CTNNA2: variants seen among roughly 807,000 people sequenced by gnomAD.
CTNNA2 encodes catenin alpha 2, also known as catenin alpha-2.
CTNNA2 carries 42 observed loss-of-function variants against 101.0 expected under a neutral mutation model. That is an observed-to-expected ratio of 0.42 (90% confidence interval 0.32 to 0.54). The LOEUF (loss-of-function observed/expected upper bound fraction) is 0.54. CTNNA2 is among the 20% of genes least tolerant of loss of function. The pLI is 0.14. For synonymous variants in CTNNA2, 450 were observed against 456.4 expected (o/e 0.99, Z 0.18); for missense variants, 871 against 1,223.1 (o/e 0.71, Z 4.29).
intron 7 of CTNNA2, among the ~76,000 whole-genome samples, chr2:79,950,311 G>A (rs575711340): frequency 6.6e-6 from 1 of 152,304 alleles, no homozygotes; most frequent in Admixed American, 6.5e-5. Flanking sequence ...GAATTCAATA[G>A]TGTGGTAAAT....
chr2:79,578,270 A>G (rs991159442), intron 1 of CTNNA2, among the ~76,000 whole-genome samples: 3 of 152,032 alleles, frequency 2.0e-5, no homozygotes, highest in Middle Eastern at 6.3e-3. Context: ...ATTTCATTAT[A>G]TTTTCAAGAT....
chr2:79,215,749 A>G (rs912646781), intron 2 of CTNNA2, among the ~76,000 whole-genome samples: 2 of 152,122 alleles, frequency 1.3e-5, no homozygotes, highest in Non-Finnish European at 2.9e-5. Flanking sequence ...TTTTAAGAGG[A>G]AATTGCTGGG....
At chr2:80,214,218 G>A (rs1194335805) in intron 7 of CTNNA2, among the ~76,000 whole-genome samples, 4 of 152,062 alleles carry the variant, frequency 2.6e-5, no homozygotes, top group Non-Finnish European at 2.9e-5. Flanking sequence ...TTACATTTAA[G>A]GTTAATATTG....
chr2:80,271,906 T>C (rs929664519), intron 7 of CTNNA2, among the ~76,000 whole-genome samples: 5 of 152,214 alleles, frequency 3.3e-5, no homozygotes, highest in African/African-American at 9.6e-5. Context: ...CATCTGGCCA[T>C]TGTTTCATAT....
chr2:79,719,038 C>T (rs142041627), intron 2 of CTNNA2, among the ~76,000 whole-genome samples: 6 of 152,198 alleles, frequency 3.9e-5, no homozygotes, highest in East Asian at 3.9e-4. Flanking sequence ...TCCTTCCTCC[C>T]GCCCTTCCTC....
intron 7 of CTNNA2, among the ~76,000 whole-genome samples, chr2:80,260,380 T>C (rs2149121765): frequency 6.6e-6 from 1 of 152,344 alleles, no homozygotes; most frequent in African/African-American, 2.4e-5. Context: ...AGGACATTAA[T>C]ATCCAAAAAT....
At chr2:79,558,013 CAT>C (rs1337107045) in intron 1 of CTNNA2, among the ~76,000 whole-genome samples, 1 of 151,926 alleles carries the variant, frequency 6.6e-6, no homozygotes, top group East Asian at 1.9e-4. Context: ...CGTTTACACA[CAT>C]AGAGATTTAT....
intron 9 of CTNNA2, among the ~76,000 whole-genome samples, chr2:80,539,359 T>A (rs1160672220): frequency 6.7e-6 from 1 of 149,398 alleles, no homozygotes; most frequent in Admixed American, 6.7e-5. Context: ...GTTCTGCTAA[T>A]GATATTGTTA....
chr2:79,873,664 A>G (rs1427930802), intron 5 of CTNNA2, among the ~76,000 whole-genome samples: 1 of 152,048 alleles, frequency 6.6e-6, no homozygotes, highest in African/African-American at 2.4e-5. Context: ...TTTGGGAAGC[A>G]GAGGTGGGAG....
At chr2:79,617,206 T>A (rs1678688227) in intron 1 of CTNNA2, among the ~76,000 whole-genome samples, 1 of 152,096 alleles carries the variant, frequency 6.6e-6, no homozygotes, top group Admixed American at 6.6e-5. Context: ...TCAGCCCTAA[T>A]ATTTTCTTTT....
chr2:79,378,802 G>A (rs1678008050), intron 4 of CTNNA2, among the ~76,000 whole-genome samples: 1 of 152,028 alleles, frequency 6.6e-6, no homozygotes, highest in Admixed American at 6.6e-5. Flanking sequence ...TTCTCTATCA[G>A]GACCCTTTTT....
At chr2:80,426,343 A>G (rs560240178) in intron 9 of CTNNA2, among the ~76,000 whole-genome samples, 2 of 152,318 alleles carry the variant, frequency 1.3e-5, no homozygotes, top group Admixed American at 1.3e-4. Flanking sequence ...GCTAATCTTG[A>G]AAATGAGATG....
chr2:80,138,036 G>T (rs1167422591), intron 7 of CTNNA2, among the ~76,000 whole-genome samples: 1 of 152,086 alleles, frequency 6.6e-6, no homozygotes, highest in Non-Finnish European at 1.5e-5. Flanking sequence ...ATTAGGTGTG[G>T]AAAATAAAGA....
intron 3 of CTNNA2, among the ~76,000 whole-genome samples, chr2:79,843,269 G>A (rs111492521): frequency 2.0e-5 from 3 of 152,216 alleles, no homozygotes; most frequent in African/African-American, 7.2e-5. Context: ...ACTTGGAATT[G>A]TGTGTGGATA....
chr2:80,351,750 C>T (rs944561557), intron 7 of CTNNA2, among the ~76,000 whole-genome samples: 3 of 152,022 alleles, frequency 2.0e-5, no homozygotes, highest in Non-Finnish European at 4.4e-5. Context: ...TCAAAACAGG[C>T]GTGATGCTCT....
rs537551143 is a variant in CTNNA2, at chr2:80,560,226, T to A, written c.1741+4333T>A. On this transcript the variant is annotated intron_variant, in intron 12 of 18. Coordinates refer to ENST00000402739, the MANE Select transcript of CTNNA2 (RefSeq NM_001282597.3). ...CTAAAGTTTTATACGAATGGGAAGG[T>A]TTTTCGTTTTACAACATTTCTATAT... Among the ~76,000 whole-genome samples the A allele has an allele frequency of 5.3e-5, 8 of 152,138 alleles. No homozygotes were observed. In the East Asian group the frequency reaches 5.8e-4, roughly 11 times the overall value.
chr2:79,560,578 T>C (rs1674715320), intron 1 of CTNNA2, among the ~76,000 whole-genome samples: 1 of 151,928 alleles, frequency 6.6e-6, no homozygotes, highest in Admixed American at 6.6e-5. Context: ...TGTGTCTCTC[T>C]ATTGTATGCT....
chr2:80,264,021 T>G (rs1672814441), intron 7 of CTNNA2, among the ~76,000 whole-genome samples: 1 of 152,216 alleles, frequency 6.6e-6, no homozygotes, highest in Non-Finnish European at 1.5e-5. Flanking sequence ...TTAAGTCTTT[T>G]AATACACACG....
chr2:80,327,863 T>A (rs12469184), intron 7 of CTNNA2, among the ~76,000 whole-genome samples: 10,805 of 152,330 alleles, frequency 0.071, 517 homozygotes, highest in Middle Eastern at 0.13. Context: ...TTTGTGATAA[T>A]CATGTATCCG....
Sources: gnomAD v4.1 joint callset for allele counts (sites outside exome capture counted in the v4.1 genomes callset) on GRCh38, gnomAD v4.1.1 for gene constraint, MANE v1.5 for transcripts, NCBI Gene and HGNC (gene_info 2026-07-23, HGNC 2026-07-21) for gene names.